INSYN2B: variants seen among roughly 807,000 people sequenced by gnomAD.
INSYN2B encodes inhibitory synaptic factor family member 2B.
A neutral mutation model predicts 41.2 loss-of-function variants in INSYN2B; 16 were observed. That is an observed-to-expected ratio of 0.39 (90% CI 0.26 to 0.59). The LOEUF is 0.59. INSYN2B is among the 20% of genes least tolerant of loss of function. INSYN2B has a pLI of 0.57. For synonymous variants in INSYN2B, 245 were observed against 244.4 expected (o/e 1.00, Z -0.02); for missense variants, 608 against 646.4 (o/e 0.94, Z 0.64).
At chr5:169,870,340 A>G (rs1199338592) in intron 3 of INSYN2B, among the ~76,000 whole-genome samples, 1 of 152,190 alleles carries the variant, frequency 6.6e-6, no homozygotes, top group African/African-American at 2.4e-5. Context: ...AAGCAGCAAG[A>G]GCCCCAAGTC....
At chr5:169,912,004 C>T (rs1398289304) in intron 1 of INSYN2B, among the ~76,000 whole-genome samples, 6 of 152,098 alleles carry the variant, frequency 3.9e-5, no homozygotes, top group Non-Finnish European at 8.8e-5. Flanking sequence ...AGCCAAGATC[C>T]CTAACACTAG....
At chr5:169,890,785 T>C (rs1251784745) in intron 1 of INSYN2B, among the ~76,000 whole-genome samples, 1 of 152,190 alleles carries the variant, frequency 6.6e-6, no homozygotes, top group East Asian at 1.9e-4. Context: ...CTATATACCA[T>C]GTTTGACTTT....
At chr5:169,945,929 C>T (rs764635673) in intron 1 of INSYN2B, among the ~76,000 whole-genome samples, 8 of 152,218 alleles carry the variant, frequency 5.3e-5, no homozygotes, top group Non-Finnish European at 8.8e-5. Flanking sequence ...GCATCCCCCA[C>T]ACTGCTGGCT....
At chr5:169,871,966 T>C (rs1278426319) in intron 3 of INSYN2B, among the ~76,000 whole-genome samples, 1 of 152,246 alleles carries the variant, frequency 6.6e-6, no homozygotes, top group Non-Finnish European at 1.5e-5. Flanking sequence ...TATAGCCTGC[T>C]GATGTCTCCA....
intron 1 of INSYN2B, among the ~76,000 whole-genome samples, chr5:169,930,242 G>T (rs1040380142): frequency 6.6e-6 from 1 of 152,042 alleles, no homozygotes; most frequent in Non-Finnish European, 1.5e-5. Context: ...CGCCTGCCTC[G>T]GCCTCCCAAA....
chr5:169,973,647 G>A (rs1008898463), intron 1 of INSYN2B, among the ~76,000 whole-genome samples: 14 of 152,176 alleles, frequency 9.2e-5, no homozygotes, highest in Non-Finnish European at 1.6e-4. Flanking sequence ...ACATCTATGA[G>A]AAACTAGATA....
At chr5:169,960,630 C>A (rs1777044776) in intron 1 of INSYN2B, among the ~76,000 whole-genome samples, 1 of 152,150 alleles carries the variant, frequency 6.6e-6, no homozygotes, top group Non-Finnish European at 1.5e-5. Context: ...ATATTCTTGG[C>A]CATCATTAGT....
Position 169,883,339 on chromosome 5 carries a change from A to C in INSYN2B, c.560T>G (p.Leu187Trp), listed in dbSNP as rs1772778424. Residue 187 changes from leucine to tryptophan, a missense_variant, in exon 2 of 4, where the codon TTG becomes TGG. Transcript: ENST00000377365. ...VQSNGPVSIC[L>W]EAGTWRSLEK... ...TAAGGACCTCCAAGTTCCTGCTTCC[A>C]AGCATATGCTAACAGGACCATTGCT... The C allele has an allele frequency of 3.9e-6, 6 of 1,551,584 alleles. No homozygotes were observed. The highest frequency in any genetic ancestry group is 4.4e-6 in the Non-Finnish European group (5 of 1,146,928).
chr5:169,874,419 AAAAAAAAAAAAAAGC>A (rs1772183498), intron 3 of INSYN2B, among the ~76,000 whole-genome samples: 1 of 151,644 alleles, frequency 6.6e-6, no homozygotes, highest in Admixed American at 6.6e-5. Context: ...TCAAAAAAAA[AAAAAAAAAAAAAAGC>A]AATTGGTGGT....
intron 1 of INSYN2B, among the ~76,000 whole-genome samples, chr5:169,908,738 C>A (rs1383529588): frequency 5.4e-5 from 7 of 130,400 alleles, no homozygotes; most frequent in Non-Finnish European, 1.1e-4. Flanking sequence ...TTTTTGAGAC[C>A]GAGTCTCACT....
intron 1 of INSYN2B, among the ~76,000 whole-genome samples, chr5:169,979,968 A>G (rs763871349): frequency 6.6e-6 from 1 of 152,216 alleles, no homozygotes; most frequent in African/African-American, 2.4e-5. Context: ...AAGACAATTC[A>G]TCCTTTTCAA....
intron 1 of INSYN2B, among the ~76,000 whole-genome samples, chr5:169,931,991 G>T (rs543308893): frequency 6.6e-6 from 1 of 152,286 alleles, no homozygotes; most frequent in East Asian, 1.9e-4. Context: ...TGCTCTAGGT[G>T]CTAGGAATAC....
intron 1 of INSYN2B, among the ~76,000 whole-genome samples, chr5:169,955,187 C>T (rs1776813231): frequency 6.6e-6 from 1 of 152,198 alleles, no homozygotes; most frequent in African/African-American, 2.4e-5. Flanking sequence ...CGCCAGGCAG[C>T]TGCCATCAAG....
intron 3 of INSYN2B, chr5:169,875,680 A>C (rs1455225250): frequency 1.7e-5 from 3 of 174,514 alleles, no homozygotes; most frequent in Non-Finnish European, 3.7e-5. Flanking sequence ...GGGGTACTTT[A>C]ATCAATCTCA....
At chr5:169,938,073 A>C (rs1776072609) in intron 1 of INSYN2B, among the ~76,000 whole-genome samples, 2 of 152,194 alleles carry the variant, frequency 1.3e-5, no homozygotes, top group Admixed American at 1.3e-4. Flanking sequence ...TATTCAGTAC[A>C]CATCTATTGT....
intron 1 of INSYN2B, among the ~76,000 whole-genome samples, chr5:169,977,079 GT>G (rs1468987209): frequency 6.6e-6 from 1 of 152,200 alleles, no homozygotes; most frequent in Non-Finnish European, 1.5e-5. Flanking sequence ...GGGGAACTAA[GT>G]TTTCGATGAA....
intron 1 of INSYN2B, chr5:169,934,780 C>T: frequency 4.4e-6 from 2 of 450,070 alleles, no homozygotes; most frequent in Admixed American, 2.4e-5. Context: ...TCATGCAATC[C>T]TTATTGTTAG....
chr5:169,883,854 A>G lies in INSYN2B; in HGVS notation c.45T>C (p.Arg15=). The change falls in exon 2 of 4, where the codon CGT becomes CGC. Residue 15 remains arginine, a synonymous_variant. Transcript: ENST00000377365. ...CAAACTCCACTGATTCTAGACTGTT[A>G]CGCTTTAGAAGCACAGGTCTCACTT... is the stretch of plus-strand genomic sequence containing the variant. The part of the protein sequence containing the change: ...NMKVRPVLLK[R]NSLESVEFVK... 1 of 1,533,688 alleles carries G rather than the reference A, an allele frequency of 6.5e-7. No homozygotes were observed. Among genetic ancestry groups the G allele is most frequent in the Non-Finnish European group, 8.8e-7 (1 of 1,137,374 alleles).
chr5:169,898,655 C>T (rs896036129), intron 1 of INSYN2B, among the ~76,000 whole-genome samples: 1 of 152,160 alleles, frequency 6.6e-6, no homozygotes, highest in Non-Finnish European at 1.5e-5. Flanking sequence ...GGTCAAAAAA[C>T]TCTTTCAATC....
Sources: gnomAD v4.1 joint callset for allele counts (sites outside exome capture counted in the v4.1 genomes callset) on GRCh38, gnomAD v4.1.1 for gene constraint, MANE v1.5 for transcripts, NCBI Gene and HGNC (gene_info 2026-07-23, HGNC 2026-07-21) for gene names.